CACNA1C: variants seen among roughly 807,000 people sequenced by gnomAD.
CACNA1C encodes calcium voltage-gated channel subunit alpha1 C, also known as voltage-dependent L-type calcium channel subunit alpha-1C.
Under a neutral mutation model 229.0 loss-of-function variants are expected in CACNA1C, and 30 were observed. The observed-to-expected ratio is 0.13, with a 90% confidence interval of 0.10 to 0.18. The LOEUF (loss-of-function observed/expected upper bound fraction) is 0.18. CACNA1C is among the 10% of genes least tolerant of loss of function. The pLI is 1.00. For missense variants in CACNA1C, 1,658 were observed against 2,845.0 expected (o/e 0.58, Z 9.49); for synonymous variants, 1,114 against 1,132.5 (o/e 0.98, Z 0.33).
chr12:2,338,766 G>A (rs2154520351), intron 3 of CACNA1C, among the ~76,000 whole-genome samples: 1 of 152,218 alleles, frequency 6.6e-6, no homozygotes, highest in South Asian at 2.1e-4. Context: ...GTGCCCTTGG[G>A]GGTGGAATAG....
intron 1 of CACNA1C, among the ~76,000 whole-genome samples, chr12:2,013,208 C>A (rs531686174): frequency 1.3e-5 from 2 of 152,178 alleles, no homozygotes; most frequent in Admixed American, 1.3e-4. Context: ...ATAGAGACAA[C>A]AATAGTGGTA....
At chr12:2,552,449 A>G (rs1341360665) in intron 10 of CACNA1C, among the ~76,000 whole-genome samples, 1 of 152,260 alleles carries the variant, frequency 6.6e-6, no homozygotes, top group Non-Finnish European at 1.5e-5. Context: ...TGAGAACAGA[A>G]GGATGAACAT....
intron 1 of CACNA1C, among the ~76,000 whole-genome samples, chr12:2,097,127 A>G (rs987554868): frequency 1.3e-5 from 2 of 152,016 alleles, no homozygotes; most frequent in South Asian, 4.2e-4. Context: ...TGGTAATTTT[A>G]TGTTTAATTT....
At chr12:2,368,181 A>AAT (rs1611005) in intron 3 of CACNA1C, among the ~76,000 whole-genome samples, 129,769 of 152,100 alleles carry the variant, frequency 0.85, 55,795 homozygotes, top group African/African-American at 0.95. Flanking sequence ...TATGATAAAG[A>AAT]ATGTATCTCA....
At chr12:2,327,491 G>C (rs770329305) in intron 3 of CACNA1C, among the ~76,000 whole-genome samples, 2 of 152,172 alleles carry the variant, frequency 1.3e-5, no homozygotes, top group African/African-American at 4.8e-5. Flanking sequence ...TTCTGATTTC[G>C]TTCTGTGCCT....
At chr12:2,683,339 T>TG (rs1055737479) in intron 43 of CACNA1C, among the ~76,000 whole-genome samples, 1 of 152,228 alleles carries the variant, frequency 6.6e-6, no homozygotes, top group Admixed American at 6.5e-5. Flanking sequence ...TGTGGCTATC[T>TG]GGGGGTCTCC....
In CACNA1C at chr12:2,567,727, A is replaced by G. The variant is rs745683109; in HGVS notation, c.1828A>G (p.Ile610Val). Residue 610 changes from isoleucine (I) to valine (V), a missense_variant, in exon 13 of 47, where the codon ATC becomes GTC. Coordinates refer to ENST00000399655, the MANE Select transcript of CACNA1C (RefSeq NM_000719.7). ...ILETILVETK[I>V]MSPLGISVLR... is the part of the protein sequence containing the mutation. ...GGAGACCATCCTGGTGGAGACCAAG[A>G]TCATGTCCCCACTGGGCATCTCCGT... 2.5e-6 allele frequency: 4 copies of G among 1,613,582 alleles called. No individual in the cohort carries two copies. The South Asian group carries it at 4.4e-5, about 18-fold the overall frequency.
chr12:2,633,504 G>A lies in CACNA1C; in HGVS notation c.3829-793G>A, dbSNP rs907995647. 2 of 699,840 alleles carry A rather than the reference G, an allele frequency of 2.9e-6. No homozygotes were observed. Among genetic ancestry groups the A allele is most frequent in the Non-Finnish European group, 5.2e-6 (2 of 387,122 alleles). The allele number at this position is 699,840 out of a possible 1,614,324, so 43.4% of individuals were successfully genotyped here. A position where few individuals can be genotyped will look rare whatever the true frequency, so the allele number is the denominator to read the frequency against. On this transcript the variant is annotated intron_variant, in intron 29 of 46. Transcript: ENST00000399655. This position sits in a 1 kb window ranked among gnomAD's most constrained non-coding sequence, Gnocchi z 5.8. ...CTCCTGGGCTCCTGGCCATGGTGAG[G>A]GCGTCCGGAACTCCAGAGGCAACAC... is the stretch of plus-strand genomic sequence containing the variant.
intron 2 of CACNA1C, among the ~76,000 whole-genome samples, chr12:2,116,646 T>G (rs980750185): frequency 2.0e-5 from 3 of 151,760 alleles, no homozygotes; most frequent in Non-Finnish European, 4.4e-5. Context: ...GGATTACAGG[T>G]GTAATCTGCC....
intron 7 of CACNA1C, among the ~76,000 whole-genome samples, chr12:2,500,904 C>A (rs1258826969): frequency 6.6e-6 from 1 of 152,100 alleles, no homozygotes; most frequent in East Asian, 1.9e-4. Context: ...GACTGCCCCA[C>A]CCTCTCAAAA....
rs2096063312 is a variant in CACNA1C at position 2,665,856 on chromosome 12, G to T, written c.4526+148G>T. On this transcript the variant is annotated intron_variant, in intron 36 of 46. Transcript: ENST00000399655. The surrounding 1 kb of genome is among the most constrained non-coding windows in gnomAD (Gnocchi z 5.9). ...CACACCCTAGGGTGAAAGGTCAAGG[G>T]CCAGCAGGAGGAGGCCCGGCACCTT... 2.6e-6 allele frequency: 2 copies of T among 781,080 alleles called. No homozygotes were observed. The highest frequency in any genetic ancestry group is 6.1e-5 in the East Asian group (2 of 32,542). 48.4% of individuals were successfully genotyped at this position (781,080 alleles called of 1,614,324 possible). A position where few individuals can be genotyped will look rare whatever the true frequency, so the allele number is the denominator to read the frequency against.
chr12:2,168,698 G>T (rs1054563000), intron 3 of CACNA1C, among the ~76,000 whole-genome samples: 2 of 152,080 alleles, frequency 1.3e-5, no homozygotes, highest in Non-Finnish European at 2.9e-5. Flanking sequence ...ACCTGACTTT[G>T]ATTTTTTTTC....
chr12:2,517,019 C>G (rs2099798324), intron 9 of CACNA1C, among the ~76,000 whole-genome samples: 1 of 152,126 alleles, frequency 6.6e-6, no homozygotes, highest in Non-Finnish European at 1.5e-5. Context: ...AACAGGACTC[C>G]TAAAGGCATG....
In CACNA1C at chr12:2,479,145, T is replaced by A. The variant is rs1412964246; in HGVS notation, c.758-6959T>A. ...GTTCAAGGGCAGTTATGGGGCTCGG[T>A]GGGCACAGTAAGGACAGTGCCCTTC... On this transcript the variant is annotated intron_variant, in intron 5 of 46. Coordinates refer to ENST00000399655, the MANE Select transcript of CACNA1C (RefSeq NM_000719.7). The surrounding 1 kb of genome is among the most constrained non-coding windows in gnomAD (Gnocchi z 4.3). Among the ~76,000 whole-genome samples, 1 of 152,198 alleles carries A rather than the reference T, an allele frequency of 6.6e-6. No homozygotes were observed. Among genetic ancestry groups the A allele is most frequent in the African/African-American group, 2.4e-5 (1 of 41,458 alleles).
At chr12:2,200,820 C>T (rs954332142) in intron 3 of CACNA1C, among the ~76,000 whole-genome samples, 1 of 152,242 alleles carries the variant, frequency 6.6e-6, no homozygotes, top group East Asian at 1.9e-4. Flanking sequence ...CCCTGGAGAT[C>T]TGGCAGACCC....
At chr12:2,267,773 C>T (rs915425580) in intron 3 of CACNA1C, among the ~76,000 whole-genome samples, 7 of 152,174 alleles carry the variant, frequency 4.6e-5, no homozygotes, top group African/African-American at 1.4e-4. Context: ...AATGTGTCTG[C>T]GGAGGGCAGC....
intron 3 of CACNA1C, among the ~76,000 whole-genome samples, chr12:2,233,944 G>A (rs936247758): frequency 3.9e-5 from 6 of 152,150 alleles, no homozygotes; most frequent in African/African-American, 1.4e-4. Flanking sequence ...GTCAGTTAAG[G>A]TCATTTGGAT....
chr12:2,422,864 G>C (rs2098992455), intron 3 of CACNA1C, among the ~76,000 whole-genome samples: 1 of 152,202 alleles, frequency 6.6e-6, no homozygotes, highest in Non-Finnish European at 1.5e-5. Flanking sequence ...AGCACTCCCT[G>C]CCGGCACAGA....
chr12:2,328,106 C>T (rs1046152749), intron 3 of CACNA1C, among the ~76,000 whole-genome samples: 2 of 152,224 alleles, frequency 1.3e-5, no homozygotes, highest in African/African-American at 2.4e-5. Flanking sequence ...TCTGTCAAAG[C>T]GGCAAGGCTG....
Sources: allele counts gnomAD v4.1 joint callset (sites outside exome capture counted in the v4.1 genomes callset), GRCh38; gene constraint gnomAD v4.1.1; non-coding constraint Gnocchi (gnomAD v3.1); transcripts MANE v1.5; gene names NCBI Gene and HGNC (gene_info 2026-07-23, HGNC 2026-07-21).